The following CDKL1 variants were observed in gnomAD, a reference collection of about 807,000 sequenced individuals.
CDKL1 encodes cyclin dependent kinase like 1, also known as cyclin-dependent kinase-like 1.
CDKL1 carries 41 observed loss-of-function variants against 42.0 expected under a neutral mutation model. That is an observed-to-expected ratio of 0.98 (90% CI 0.76 to 1.27). CDKL1 has a LOEUF of 1.27. Among genes scored for constraint, CDKL1 ranks in the 50% most tolerant of loss-of-function variants. The probability of loss-of-function intolerance (pLI) is 0.00; values close to 1 mark genes in which losing one functional copy is unlikely to be tolerated. For synonymous variants in CDKL1, 153 were observed against 158.6 expected, an observed-to-expected ratio of 0.96 and a Z score of 0.26; for missense variants, 394 against 428.4, an observed-to-expected ratio of 0.92 and a Z score of 0.71.
At chr14:50,339,532 G>T (rs148178458) in intron 6 of CDKL1, among the ~76,000 whole-genome samples, 10 of 147,250 alleles carry the variant, frequency 6.8e-5, no homozygotes, top group Admixed American at 2.7e-4. Context: ...AAGAGAGGGA[G>T]GGAGGGAGGG....
chr14:50,391,629 C>T (rs967445398), intron 2 of CDKL1, among the ~76,000 whole-genome samples: 6 of 152,106 alleles, frequency 3.9e-5, no homozygotes, highest in East Asian at 3.9e-4. Flanking sequence ...GTGATCCGCC[C>T]GTCTCAGCCT....
chr14:50,389,603 A>G (rs1026016331), intron 2 of CDKL1, among the ~76,000 whole-genome samples: 1 of 151,982 alleles, frequency 6.6e-6, no homozygotes, highest in African/African-American at 2.4e-5. Context: ...TTCCCCTCAC[A>G]CTTATTCTCA....
At chr14:50,369,051 G>A (rs921568470) in intron 2 of CDKL1, among the ~76,000 whole-genome samples, 7 of 151,840 alleles carry the variant, frequency 4.6e-5, no homozygotes, top group African/African-American at 1.2e-4. Context: ...ATTTTTAGTA[G>A]AGACAGGGTT....
intron 2 of CDKL1, chr14:50,362,268 C>G (rs1050535999): frequency 2.6e-6 from 1 of 382,682 alleles, no homozygotes; most frequent in Non-Finnish European, 5.2e-6. Flanking sequence ...CACCCAAGGA[C>G]TGAGGAGTGC....
chr14:50,367,099 T>C (rs1317239180), intron 2 of CDKL1, among the ~76,000 whole-genome samples: 4 of 151,546 alleles, frequency 2.6e-5, no homozygotes, highest in African/African-American at 9.7e-5. Flanking sequence ...GTGTGGTTGA[T>C]GAGGAGGAAA....
In CDKL1 at chr14:50,384,667, G is replaced by C. The variant is rs147226282; in HGVS notation, c.168+11034C>G. Reference sequence around the variant, plus strand: ...ATGAAAAGGAGGGGTGGGGGCAGAGGGGAAGAAAATCTTTCTTTTTTTTTT... The same window carrying C: ...ATGAAAAGGAGGGGTGGGGGCAGAGCGGAAGAAAATCTTTCTTTTTTTTTT... On this transcript the variant is annotated intron_variant, in intron 2 of 9. Coordinates refer to ENST00000395834, the MANE Select transcript of CDKL1 (RefSeq NM_004196.7). 3.1e-3 allele frequency among the ~76,000 whole-genome samples: 451 copies of C among 147,638 alleles called. 6 individuals carry two copies. The highest frequency in any genetic ancestry group is 0.011 in the African/African-American group (425 of 39,134).
chr14:50,350,397 A>G (rs1400244706), intron 3 of CDKL1, among the ~76,000 whole-genome samples: 1 of 152,198 alleles, frequency 6.6e-6, no homozygotes, highest in Non-Finnish European at 1.5e-5. Context: ...TACTCCCTTT[A>G]ATAGCTCTTC....
intron 3 of CDKL1, among the ~76,000 whole-genome samples, chr14:50,347,597 C>T (rs73281200): frequency 0.016 from 2,413 of 152,164 alleles, 56 homozygotes; most frequent in African/African-American, 0.04. Flanking sequence ...CACAGTGGTG[C>T]CTTTTACTCA....
intron 2 of CDKL1, among the ~76,000 whole-genome samples, chr14:50,379,754 C>A (rs1242286663): frequency 6.6e-6 from 1 of 152,200 alleles, no homozygotes. Flanking sequence ...ACCTGCAGCT[C>A]CTCGCCCAGT....
rs2139334960 is a variant in CDKL1 at position 50,326,885 on chromosome 14, TTAAAAATTA to T, written c.*3180_*3188del. ...GTGAGACCCCATCTCTAAAAAAATTTTAAAAATTAGGCAGGCATGGTGGTGCATACCTGT... is the reference window on the plus strand; with the variant it reads ...GTGAGACCCCATCTCTAAAAAAATTTGGCAGGCATGGTGGTGCATACCTGT... On this transcript the variant is annotated 3_prime_UTR_variant, in exon 10 of 10. Transcript: ENST00000395834. The T allele has an allele frequency of 2.4e-6, 1 of 412,722 alleles. No homozygotes were observed. Among genetic ancestry groups the T allele is most frequent in the East Asian group, 1.6e-4 (1 of 6,246 alleles). The allele number at this position is 412,722 out of a possible 1,614,324, so 25.6% of individuals were successfully genotyped here.
At chr14:50,389,738 C>T (rs1341317532) in intron 2 of CDKL1, among the ~76,000 whole-genome samples, 2 of 152,138 alleles carry the variant, frequency 1.3e-5, no homozygotes, top group Admixed American at 6.5e-5. Flanking sequence ...CTACAATCTG[C>T]ACTCAGGCCT....
intron 3 of CDKL1, among the ~76,000 whole-genome samples, chr14:50,349,942 T>C (rs1024523248): frequency 6.6e-6 from 1 of 152,208 alleles, no homozygotes; most frequent in Non-Finnish European, 1.5e-5. Flanking sequence ...CTAATTTTTG[T>C]ATTTTTAGTA....
chr14:50,334,307 CCACCA>C, intron 8 of CDKL1: 1 of 305,254 alleles, frequency 3.3e-6, no homozygotes, highest in Non-Finnish European at 6.0e-6. Context: ...CAGGCGAGCG[CCACCA>C]CGCCTAATTT....
chr14:50,349,747 TG>T (rs2033840620), intron 3 of CDKL1, among the ~76,000 whole-genome samples: 1 of 151,782 alleles, frequency 6.6e-6, no homozygotes, highest in Admixed American at 6.6e-5. Context: ...GTCTTTTTGT[TG>T]TTGTTGTTGT....
intron 2 of CDKL1, chr14:50,376,276 T>C: frequency 4.7e-6 from 2 of 429,250 alleles, no homozygotes; most frequent in South Asian, 3.5e-5. Flanking sequence ...AGTTTTTCCG[T>C]AATCTAAAAC....
In CDKL1 at chr14:50,366,781, T is replaced by C. The variant is rs1405471061; in HGVS notation, c.169-7632A>G. Among the ~76,000 whole-genome samples, 3 of 151,862 alleles carry C rather than the reference T, an allele frequency of 2.0e-5. No homozygotes were observed. In the East Asian group the frequency reaches 5.8e-4, roughly 29 times the overall value. On this transcript the variant is annotated intron_variant, in intron 2 of 9. Coordinates refer to ENST00000395834, the MANE Select transcript of CDKL1 (RefSeq NM_004196.7). ...ACAGGGGAGAAGGAAGTGTCAAAAA[T>C]GACACAAAGGTTTACACACTGGAAC...
At chr14:50,386,100 G>A (rs2035073360) in intron 2 of CDKL1, among the ~76,000 whole-genome samples, 1 of 151,984 alleles carries the variant, frequency 6.6e-6, no homozygotes, top group Non-Finnish European at 1.5e-5. Flanking sequence ...GTATGTGTGA[G>A]AGAGGGGGAA....
intron 2 of CDKL1, among the ~76,000 whole-genome samples, chr14:50,361,190 T>C (rs1454425307): frequency 6.6e-6 from 1 of 152,170 alleles, no homozygotes; most frequent in Non-Finnish European, 1.5e-5. Flanking sequence ...AAAATTGAAG[T>C]TCTTGAACTG....
intron 3 of CDKL1, among the ~76,000 whole-genome samples, chr14:50,349,697 GCT>G (rs2139422398): frequency 6.6e-6 from 1 of 152,218 alleles, no homozygotes; most frequent in African/African-American, 2.4e-5. Flanking sequence ...GACCCTTCAG[GCT>G]AAGGCAGATG....
Sources: gnomAD v4.1 joint callset for allele counts (sites outside exome capture counted in the v4.1 genomes callset) on GRCh38, gnomAD v4.1.1 for gene constraint, MANE v1.5 for transcripts, NCBI Gene and HGNC (gene_info 2026-07-23, HGNC 2026-07-21) for gene names.